PREX1: variants seen among roughly 807,000 people sequenced by gnomAD.
PREX1 encodes the protein phosphatidylinositol 3,4,5-trisphosphate-dependent Rac exchanger 1 protein.
Under a neutral mutation model 198.3 loss-of-function variants are expected in PREX1, and 41 were observed. The observed-to-expected ratio is 0.21, with a 90% CI of 0.16 to 0.27. The LOEUF is 0.27. Among genes scored for constraint, PREX1 ranks in the 10% least tolerant of loss-of-function variants. The pLI, the probability that PREX1 is intolerant of heterozygous loss-of-function variation, is 1.00. For missense variants in PREX1, 1,620 were observed against 2,200.7 expected (o/e 0.74, Z 5.28); for synonymous variants, 843 against 887.2 (o/e 0.95, Z 0.89).
intron 4 of PREX1, among the ~76,000 whole-genome samples, chr20:48,732,844 G>A (rs2090040521): frequency 6.6e-6 from 1 of 152,186 alleles, no homozygotes; most frequent in African/African-American, 2.4e-5. Flanking sequence ...AAAAGGAGAA[G>A]GGTATGCTCT....
At chr20:48,690,095 T>A (rs1289036121) in intron 9 of PREX1, among the ~76,000 whole-genome samples, 1 of 151,886 alleles carries the variant, frequency 6.6e-6, no homozygotes, top group Non-Finnish European at 1.5e-5. Flanking sequence ...GAAGAGCAGG[T>A]TTGGGGCAGA....
intron 1 of PREX1, among the ~76,000 whole-genome samples, chr20:48,751,119 G>C (rs147976508): frequency 6.6e-6 from 1 of 152,328 alleles, no homozygotes; most frequent in East Asian, 1.9e-4. Flanking sequence ...TTTGGAATGC[G>C]CCTGGCACAG....
Position 48,651,004 on chromosome 20 carries a change from G to T in PREX1, c.2707C>A (p.Arg903=). 6.2e-7 allele frequency: 1 copy of T among 1,614,206 alleles called. No homozygotes were observed. The change falls in exon 23 of 40, where the codon CGG becomes AGG. Residue 903 remains arginine (R), a synonymous_variant. Coordinates refer to ENST00000371941, the MANE Select transcript of PREX1 (RefSeq NM_020820.4). ...ATGGCGCTGCTCAGGGCCATGAGCCGCCTGCAGTTCTCCACGAAGACGCTG... is the reference window on the plus strand; with the variant it reads ...ATGGCGCTGCTCAGGGCCATGAGCCTCCTGCAGTTCTCCACGAAGACGCTG... ...NDSVFVENCR[R]LMALSSAIVT...
intron 16 of PREX1, among the ~76,000 whole-genome samples, chr20:48,658,889 C>G (rs546687611): frequency 1.3e-5 from 2 of 151,786 alleles, no homozygotes; most frequent in Non-Finnish European, 2.9e-5. Context: ...AGACACAGCA[C>G]GTACAAAGGT....
At chr20:48,792,504 G>A (rs530403724) in intron 1 of PREX1, among the ~76,000 whole-genome samples, 15 of 152,104 alleles carry the variant, frequency 9.9e-5, no homozygotes, top group Admixed American at 2.6e-4. Context: ...TCTAGCACCC[G>A]CGCTGTCCCA....
At chr20:48,763,491 C>T (rs940946931) in intron 1 of PREX1, among the ~76,000 whole-genome samples, 26 of 152,206 alleles carry the variant, frequency 1.7e-4, no homozygotes, top group African/African-American at 5.3e-4. Context: ...GAGTGGAATG[C>T]GGTCTCCTCT....
In PREX1 at chr20:48,649,602, C is replaced by T. The variant is rs1319755937; in HGVS notation, c.3029-26G>A. 8 of 1,552,376 alleles carry T rather than the reference C, an allele frequency of 5.2e-6. No homozygotes were observed. In the Middle Eastern group the frequency reaches 8.4e-4, roughly 164 times the overall value. On this transcript the variant is annotated intron_variant, in intron 24 of 39. Transcript: ENST00000371941. ...CTGCAGTGGAGGAAGAGAGAGCTCA[C>T]TGGAAAACAGCCCCCAGCATCCACT... is the stretch of plus-strand genomic sequence containing the variant.
chr20:48,800,397 G>A (rs758083546), intron 1 of PREX1, among the ~76,000 whole-genome samples: 1 of 152,142 alleles, frequency 6.6e-6, no homozygotes, highest in African/African-American at 2.4e-5. Flanking sequence ...AAGCAAACTG[G>A]GGCAGTTGGT....
intron 3 of PREX1, among the ~76,000 whole-genome samples, chr20:48,739,833 A>T (rs2090073237): frequency 6.6e-6 from 1 of 152,114 alleles, no homozygotes; most frequent in Non-Finnish European, 1.5e-5. Context: ...CTATAACTTA[A>T]TCTCTCTGGG....
intron 14 of PREX1, among the ~76,000 whole-genome samples, chr20:48,670,626 G>C (rs1601063368): frequency 6.6e-6 from 1 of 152,174 alleles, no homozygotes; most frequent in African/African-American, 2.4e-5. Flanking sequence ...CTCTGCCCTG[G>C]CCACGTCCTT....
At chr20:48,641,190 A>C (rs1204462542) in intron 29 of PREX1, among the ~76,000 whole-genome samples, 3 of 152,170 alleles carry the variant, frequency 2.0e-5, no homozygotes, top group African/African-American at 7.2e-5. Context: ...TTCAAGAAGA[A>C]AGCCTCAATT....
At chr20:48,883,061 C>T in the PREX1 span, among the ~76,000 whole-genome samples, 1 of 151,696 alleles carries the variant, frequency 6.6e-6, no homozygotes, top group Non-Finnish European at 1.5e-5. Flanking sequence ...AGCCTCCAGG[C>T]AGCTGGAATT....
In PREX1 at chr20:48,650,136, C is replaced by T; in HGVS notation, c.2888G>A (p.Cys963Tyr). The T allele has an allele frequency of 6.2e-7, 1 of 1,614,092 alleles. No individual in the cohort carries two copies. Among genetic ancestry groups the T allele is most frequent in the Non-Finnish European group, 8.5e-7 (1 of 1,179,992 alleles). ...ATTGGTGGGGCAGAAGTCCAGGCCA[C>T]ACAGCGGGTGGGGCTCCAGGGGGGC... is the stretch of plus-strand genomic sequence containing the variant. ...KQAPLEPHPL[C>Y]GLDFCPTNCH... The change falls in exon 24 of 40, where the codon TGT becomes TAT. Residue 963 changes from cysteine (C) to tyrosine (Y), a missense_variant. By Grantham distance (194) the Cys-to-Tyr change is radical. This residue lies in a region of PREX1 where 514 missense variants were observed against 611.6 expected (regional missense o/e 0.84). Coordinates refer to ENST00000371941, the MANE Select transcript of PREX1 (RefSeq NM_020820.4).
At chr20:48,734,827 C>T (rs1191605439) in intron 3 of PREX1, among the ~76,000 whole-genome samples, 177 bp from the exon 4 acceptor site, 3 of 152,180 alleles carry the variant, frequency 2.0e-5, no homozygotes, top group African/African-American at 7.2e-5. Flanking sequence ...TCCCAGCCTC[C>T]ACTCTTGCCC....
chr20:48,647,216 G>A (rs2089458207), intron 25 of PREX1, among the ~76,000 whole-genome samples: 1 of 152,046 alleles, frequency 6.6e-6, no homozygotes, highest in Non-Finnish European at 1.5e-5. Flanking sequence ...GTGACAGTTG[G>A]ATAAAGTGCT....
chr20:48,809,284 G>T (rs2090424772), intron 1 of PREX1, among the ~76,000 whole-genome samples: 1 of 152,218 alleles, frequency 6.6e-6, no homozygotes, highest in South Asian at 2.1e-4. Flanking sequence ...GCTCCCCTGG[G>T]ACCCAAGACT....
the PREX1 span, among the ~76,000 whole-genome samples, chr20:48,838,065 A>G: frequency 1.3e-5 from 2 of 152,344 alleles, no homozygotes; most frequent in Non-Finnish European, 2.9e-5. Context: ...CAGAGGATGC[A>G]GTGTGAATAT....
chr20:48,634,297 A>C (rs2089344089), intron 33 of PREX1, among the ~76,000 whole-genome samples: 1 of 152,172 alleles, frequency 6.6e-6, no homozygotes, highest in South Asian at 2.1e-4. Flanking sequence ...GCGTGGAGGA[A>C]GGAGAGGTGA....
rs2089259195 is a variant in PREX1 at position 48,624,996 on chromosome 20, T to C, written c.*889A>G. On this transcript the variant is annotated 3_prime_UTR_variant, in exon 40 of 40. Coordinates refer to ENST00000371941, the MANE Select transcript of PREX1 (RefSeq NM_020820.4). ...TCAAAACGACACCTTACAACCCTAA[T>C]ATTAACAAACAGGAAACAATGACAT... The C allele has an allele frequency of 6.6e-6, 1 of 152,518 alleles. No individual in the cohort carries two copies. The highest frequency in any genetic ancestry group is 6.5e-5 in the Admixed American group (1 of 15,284). The allele number at this position is 152,518 out of a possible 1,614,324, so 9.4% of individuals were successfully genotyped here.
Sources: allele counts gnomAD v4.1 joint callset (sites outside exome capture counted in the v4.1 genomes callset), GRCh38; gene constraint gnomAD v4.1.1; regional missense constraint gnomAD v4.1.1; transcripts MANE v1.5; gene names NCBI Gene and HGNC (gene_info 2026-07-23, HGNC 2026-07-21).